USP2: variants seen among roughly 807,000 people sequenced by gnomAD.
USP2 encodes the protein ubiquitin carboxyl-terminal hydrolase 2.
A neutral mutation model predicts 72.0 loss-of-function variants in USP2; 33 were observed. The observed-to-expected ratio is 0.46, with a 90% CI of 0.35 to 0.61. The LOEUF is 0.61. Ranked by LOEUF, USP2 falls within the 20% of genes least tolerant of loss-of-function variation. The pLI is 0.01. For missense variants in USP2, 691 were observed against 797.8 expected, an observed-to-expected ratio of 0.87 and a Z score of 1.61; for synonymous variants, 296 against 312.5, an observed-to-expected ratio of 0.95 and a Z score of 0.56.
Position 119,381,501 on chromosome 11 carries a change from G to A in USP2, c.-70C>T. Reference sequence around the variant, plus strand: ...CCTCTTCTTGGAGTATGGACGAGTCGAACCGGGCACAAGCATGGAGCTGCG... The same window carrying A: ...CCTCTTCTTGGAGTATGGACGAGTCAAACCGGGCACAAGCATGGAGCTGCG... On this transcript the variant is annotated 5_prime_UTR_variant, in exon 1 of 13. Coordinates refer to ENST00000260187, the MANE Select transcript of USP2 (RefSeq NM_004205.5). 1 of 1,536,168 alleles carries A rather than the reference G, an allele frequency of 6.5e-7. No individual in the cohort carries two copies. Among genetic ancestry groups the A allele is most frequent in the Non-Finnish European group, 8.7e-7 (1 of 1,146,908 alleles).
In USP2 at chr11:119,356,756, T is replaced by C; in HGVS notation, c.*79A>G. 2 of 1,313,434 alleles carry C rather than the reference T, an allele frequency of 1.5e-6. No individual in the cohort carries two copies. Among genetic ancestry groups the C allele is most frequent in the Non-Finnish European group, 2.1e-6 (2 of 961,844 alleles). The allele number at this position is 1,313,434 out of a possible 1,614,324, so 81.4% of individuals were successfully genotyped here. ...TTGTCAGGTTTGTGTGTTGTTGTTG[T>C]TGTTTTGTTTTTGTCTTTTTAAAAA... is the stretch of plus-strand genomic sequence containing the variant. On this transcript the variant is annotated 3_prime_UTR_variant, in exon 13 of 13. Coordinates refer to ENST00000260187, the MANE Select transcript of USP2 (RefSeq NM_004205.5).
rs550657786 is a variant in USP2 at position 119,376,248 on chromosome 11, C to T, written c.-41-2727G>A. 6 of 985,732 alleles carry T rather than the reference C, an allele frequency of 6.1e-6. No individual in the cohort carries two copies. The South Asian group carries it at 2.8e-4, about 46-fold the overall frequency. 61.1% of individuals were successfully genotyped at this position (985,732 alleles called of 1,614,324 possible). A position where few individuals can be genotyped will look rare whatever the true frequency, so the allele number is the denominator to read the frequency against. ...CCTGCACAGCTGTCCCTGGAGGCCA[C>T]AGAATGCACTATGGGCAGGAGAGCG... On this transcript the variant is annotated intron_variant, in intron 1 of 12. Coordinates refer to ENST00000260187, the MANE Select transcript of USP2 (RefSeq NM_004205.5).
chr11:119,362,737 A>G (rs905606390), intron 2 of USP2, among the ~76,000 whole-genome samples: 22 of 152,344 alleles, frequency 1.4e-4, no homozygotes, highest in Non-Finnish European at 4.4e-5. Context: ...GACCCTGCAC[A>G]GCCAACCTCT....
intron 2 of USP2, 45 bp from the exon 3 acceptor site, chr11:119,360,279 T>C: frequency 1.2e-6 from 2 of 1,603,512 alleles, no homozygotes; most frequent in Non-Finnish European, 1.7e-6. Flanking sequence ...GCAAAGATGC[T>C]AGGCCTGTGC....
chr11:119,374,982 G>A (rs1173905678), intron 1 of USP2, among the ~76,000 whole-genome samples: 1 of 152,204 alleles, frequency 6.6e-6, no homozygotes, highest in Non-Finnish European at 1.5e-5. Flanking sequence ...AATGACAGTG[G>A]CTACCATCTC....
intron 1 of USP2, among the ~76,000 whole-genome samples, chr11:119,375,958 C>G (rs1396700907): frequency 6.6e-6 from 1 of 152,202 alleles, no homozygotes; most frequent in Non-Finnish European, 1.5e-5. Context: ...CCCAAATCCC[C>G]ACTCTCCCTC....
Position 119,358,063 on chromosome 11 carries a change from T to C in USP2, c.1342-2A>G, listed in dbSNP as rs1481307494. On this transcript the variant is annotated splice_acceptor_variant, in intron 8 of 12. Transcript: ENST00000260187. LOFTEE classifies it high-confidence loss of function. Reference sequence around the variant, plus strand: ...TAATGTCACCTCAGGATAACCTCGCTGGGAAGGGGAAAAAAGCAAAGGTCA... The same window carrying C: ...TAATGTCACCTCAGGATAACCTCGCCGGGAAGGGGAAAAAAGCAAAGGTCA... 6.2e-7 allele frequency: 1 copy of C among 1,614,106 alleles called. No homozygotes were observed. Among genetic ancestry groups the C allele is most frequent in the Admixed American group, 1.7e-5 (1 of 60,016 alleles).
At chr11:119,379,975 C>T (rs1395656169) in intron 1 of USP2, among the ~76,000 whole-genome samples, 3 of 125,982 alleles carry the variant, frequency 2.4e-5, no homozygotes, top group Non-Finnish European at 4.6e-5. Flanking sequence ...AGTGCAGTGG[C>T]GCGATCTTGG....
intron 2 of USP2, chr11:119,364,043 G>C (rs1950811133): frequency 8.0e-7 from 1 of 1,257,150 alleles, no homozygotes. Flanking sequence ...CGTTGGCAGC[G>C]GGGGCGCGGG....
chr11:119,373,423 C>A lies in USP2; in HGVS notation c.58G>T (p.Ala20Ser), dbSNP rs765698359. ...CCATAGCCCGACTTGGCATAGTGGG[C>A]ATCTGTGTAGCGGGCCGATTCTGTG... ...RYTESARYTDAHYAKSGYGAY... is the reference protein window; with the variant it reads ...RYTESARYTDSHYAKSGYGAY... Residue 20 changes from alanine (A) to serine (S), a missense_variant, in exon 2 of 13, where the codon GCC becomes TCC. Coordinates refer to ENST00000260187, the MANE Select transcript of USP2 (RefSeq NM_004205.5). 2.1e-5 allele frequency: 34 copies of A among 1,603,808 alleles called. No individual in the cohort carries two copies. The highest frequency in any genetic ancestry group is 2.9e-5 in the Non-Finnish European group (34 of 1,179,600).
intron 2 of USP2, among the ~76,000 whole-genome samples, chr11:119,369,015 G>A (rs914763053): frequency 6.6e-6 from 1 of 152,220 alleles, no homozygotes; most frequent in Non-Finnish European, 1.5e-5. Context: ...GAGAAGTGGG[G>A]CAGAGTAGGG....
rs1361853810 is a variant in USP2 at position 119,363,938 on chromosome 11, C to T, written c.775-3704G>A. ...CGCGGCCGCAGCTCCTTGGCGAGGG[C>T]GGGAAAGGGGGCGGCGGGGGGGTCC... On this transcript the variant is annotated intron_variant, in intron 2 of 12. Coordinates refer to ENST00000260187, the MANE Select transcript of USP2 (RefSeq NM_004205.5). 211 of 167,728 alleles carry T rather than the reference C, an allele frequency of 1.3e-3. No individual in the cohort carries two copies. In the East Asian group the frequency reaches 0.086, roughly 68 times the overall value. The allele number at this position is 167,728 out of a possible 1,614,324, so 10.4% of individuals were successfully genotyped here. A position where few individuals can be genotyped will look rare whatever the true frequency, so the allele number is the denominator to read the frequency against.
Position 119,356,876 on chromosome 11 carries a change from G to A in USP2, c.1777C>T (p.Leu593=). 1 of 1,565,588 alleles carries A rather than the reference G, an allele frequency of 6.4e-7. No homozygotes were observed. Among genetic ancestry groups the A allele is most frequent in the South Asian group, 1.2e-5 (1 of 85,128 alleles). Residue 593 remains leucine (L), a synonymous_variant, in exon 13 of 13, where the codon CTG becomes TTG. Coordinates refer to ENST00000260187, the MANE Select transcript of USP2 (RefSeq NM_004205.5). ...GGGCTGGCCAGTTCGTAGAAGAGCA[G>A]GTAGGCGTCGCTGGTGCGCACTTGG... ...SSQVRTSDAY[L]LFYELASPPS...
intron 2 of USP2, among the ~76,000 whole-genome samples, chr11:119,368,631 C>A (rs542792608): frequency 9.2e-5 from 14 of 152,350 alleles, no homozygotes; most frequent in Admixed American, 8.5e-4. Flanking sequence ...TTCAGTTTCC[C>A]AGACCTTTTG....
chr11:119,373,230 TC>T lies in USP2; in HGVS notation c.250del (p.Asp84ThrfsTer20). 6.2e-7 allele frequency: 1 copy of T among 1,613,906 alleles called. No homozygotes were observed. The highest frequency in any genetic ancestry group is 8.5e-7 in the Non-Finnish European group (1 of 1,179,928). On this transcript the variant is annotated frameshift_variant, in exon 2 of 13. Coordinates refer to ENST00000260187, the MANE Select transcript of USP2 (RefSeq NM_004205.5). LOFTEE classifies it high-confidence loss of function. ...TGCCCGCTTACCACCCCCAGTGATG[TC>T]GGGTCTCAGCAGGGGGCGGCCCCGG... The part of the protein sequence containing the change: ...YDRGRPLLRP[D>X]ITGGGKRAES...
chr11:119,372,327 A>G (rs1054065548), intron 2 of USP2, among the ~76,000 whole-genome samples: 1 of 152,214 alleles, frequency 6.6e-6, no homozygotes, highest in Non-Finnish European at 1.5e-5. Context: ...CTCCTGCCAC[A>G]GGGTGCACTG....
rs767520705 is a variant in USP2, at chr11:119,359,615, A to G, written c.871T>C (p.Leu291=). 3.7e-5 allele frequency: 60 copies of G among 1,613,730 alleles called. No individual in the cohort carries two copies. The highest frequency in any genetic ancestry group is 4.7e-5 in the Non-Finnish European group (56 of 1,179,996). ...AGCCTCTGGAGGCAGTAATCTCTCAACTCCCGAGTGTTGCTCAGGCACTGC... is the reference window on the plus strand; with the variant it reads ...AGCCTCTGGAGGCAGTAATCTCTCAGCTCCCGAGTGTTGCTCAGGCACTGC... The part of the protein sequence containing the change: ...ILQCLSNTRE[L]RDYCLQRLYM... The change falls in exon 4 of 13, where the codon TTG becomes CTG. Residue 291 remains leucine (L), a synonymous_variant. Coordinates refer to ENST00000260187, the MANE Select transcript of USP2 (RefSeq NM_004205.5).
chr11:119,357,614 T>G, intron 10 of USP2, 24 bp from the exon 11 acceptor site: 4 of 1,614,090 alleles, frequency 2.5e-6, no homozygotes, highest in Non-Finnish European at 3.4e-6. Context: ...GAGTCAAGGA[T>G]AGTCAAACCA....
At position 119,373,124 on chromosome 11, in the gene USP2, G is replaced by T. The variant is rs770215197; in HGVS notation, c.357C>A (p.Asn119Lys). The T allele has an allele frequency of 2.5e-6, 4 of 1,614,040 alleles. No homozygotes were observed. The highest frequency in any genetic ancestry group is 2.7e-5 in the African/African-American group (2 of 74,922). The change falls in exon 2 of 13, where the codon AAC becomes AAA. Residue 119 changes from asparagine to lysine, a missense_variant. Physicochemically the swap from Asn to Lys is moderately conservative, Grantham distance 94 (BLOSUM62 0). Transcript: ENST00000260187. ...TGATGGGCAGGTAGCTGAGGCAGTT[G>T]TTGGTCACTCCATAAGGGAATCCGC... The part of the protein sequence containing the change: ...GGSGFPYGVT[N>K]NCLSYLPINA...
Sources: allele counts gnomAD v4.1 joint callset (sites outside exome capture counted in the v4.1 genomes callset), GRCh38; gene constraint gnomAD v4.1.1; transcripts MANE v1.5; gene names NCBI Gene and HGNC (gene_info 2026-07-23, HGNC 2026-07-21).